Variants in ZNF219 observed in about 807,000 individuals in gnomAD.
The protein encoded by ZNF219 is zinc finger protein 219.
In ZNF219, 17 loss-of-function variants were observed where a neutral mutation model predicts 54.4. That is an observed-to-expected ratio of 0.31 (90% CI 0.21 to 0.47). ZNF219 has a LOEUF of 0.47. ZNF219 is among the 20% of genes least tolerant of loss of function. The pLI, the probability that ZNF219 is intolerant of heterozygous loss-of-function variation, is 1.00. For missense variants in ZNF219, 1,014 were observed against 1,062.3 expected, an observed-to-expected ratio of 0.95 and a Z score of 0.63; for synonymous variants, 518 against 476.4, an observed-to-expected ratio of 1.09 and a Z score of -1.14.
chr14:21,091,180 G>T, intron 4 of ZNF219, 40 bp from the exon 5 acceptor site: 1 of 1,579,372 alleles, frequency 6.3e-7, no homozygotes, highest in South Asian at 1.1e-5. Context: ...GGGTCACGAT[G>T]ACTGCACGCA....
rs201067911 is a variant in ZNF219 at position 21,093,110 on chromosome 14, C to T, written c.187G>A (p.Gly63Arg). Residue 63 changes from glycine to arginine, a missense_variant, in exon 3 of 5, where the codon GGG (glycine) becomes AGG (arginine). Around this residue, in one of 5 missense-constraint regions of ZNF219, gnomAD observed 395 missense variants for 415.1 expected, o/e 0.95. Transcript: ENST00000360947. ...ATAGAGTTGAAGCGGAAGCGCTTCC[C>T]GCATACAGGGCAGGGGAAGCGCCGT... Reference protein sequence around the residue: ...GERRFPCPVCGKRFRFNSILA... With the variant: ...GERRFPCPVCRKRFRFNSILA... 1.2e-6 allele frequency: 2 copies of T among 1,608,758 alleles called. No homozygotes were observed. The highest frequency in any genetic ancestry group is 2.2e-5 in the East Asian group (1 of 44,770).
intron 1 of ZNF219, among the ~76,000 whole-genome samples, chr14:21,095,663 A>C (rs1306770701): frequency 1.3e-5 from 2 of 152,210 alleles, no homozygotes; most frequent in Non-Finnish European, 2.9e-5. Context: ...CCTCAGTACC[A>C]TAGATAGAGC....
At position 21,092,974 on chromosome 14, in the gene ZNF219, T is replaced by A. The variant is rs1277215398; in HGVS notation, c.323A>T (p.Gln108Leu). The change falls in exon 3 of 5, where the codon CAG (glutamine) becomes CTG (leucine). Residue 108 changes from glutamine (Q) to leucine (L), a missense_variant. Coordinates refer to ENST00000360947, the MANE Select transcript of ZNF219 (RefSeq NM_016423.3). ...ALLRSHLRTHQPERPRSPAAR... is the reference protein window; with the variant it reads ...ALLRSHLRTHLPERPRSPAAR... The stretch of plus-strand genomic sequence containing the variant: ...AGCAGGACTACGTGGGCGCTCGGGC[T>A]GGTGTGTGCGCAGGTGCGAGCGCAG... The A allele has an allele frequency of 6.3e-7, 1 of 1,593,328 alleles. No homozygotes were observed.
chr14:21,093,271 G>C lies in ZNF219; in HGVS notation c.26C>G (p.Pro9Arg). ...CGGCGACGGCGCTAAGTGGCCGCTC[G>C]GGGCGCGGGGACGTGAGCCCTGTGG... MEGSRPRA[P>R]SGHLAPSPPA... Residue 9 changes from proline (P) to arginine (R), a missense_variant, in exon 3 of 5, where the codon CCG becomes CGG. Physicochemically the swap from Pro to Arg is moderately radical, Grantham distance 103. Coordinates refer to ENST00000360947, the MANE Select transcript of ZNF219 (RefSeq NM_016423.3). 1 of 1,589,236 alleles carries C rather than the reference G, an allele frequency of 6.3e-7. No homozygotes were observed. The highest frequency in any genetic ancestry group is 8.5e-7 in the Non-Finnish European group (1 of 1,175,230).
intron 3 of ZNF219, 68 bp downstream of exon 3, chr14:21,091,797 G>A (rs1334324901): frequency 8.1e-6 from 12 of 1,481,586 alleles, no homozygotes; most frequent in Non-Finnish European, 9.8e-6. Flanking sequence ...AGGAAGCTAC[G>A]AGGGAGTGGC....
chr14:21,092,679 G>A lies in ZNF219; in HGVS notation c.618C>T (p.His206=), dbSNP rs531966142. Residue 206 remains histidine, a synonymous_variant, in exon 3 of 5, where the codon CAC becomes CAT. Coordinates refer to ENST00000360947, the MANE Select transcript of ZNF219 (RefSeq NM_016423.3). ...GAGCCCCGTGGGCCGTCAGGCTGTGGTGCAGCAGCTCCTCCTCCTGGCTGG... is the reference window on the plus strand; with the variant it reads ...GAGCCCCGTGGGCCGTCAGGCTGTGATGCAGCAGCTCCTCCTCCTGGCTGG... ...FGSSQEEELL[H]HSLTAHGAPE... 4.4e-6 allele frequency: 7 copies of A among 1,575,672 alleles called. No individual in the cohort carries two copies. Among genetic ancestry groups the A allele is most frequent in the East Asian group, 2.3e-5 (1 of 43,554 alleles).
Position 21,093,457 on chromosome 14 carries a change from A to T in ZNF219, c.6+129T>A, listed in dbSNP as rs1406087265. On this transcript the variant is annotated intron_variant, in intron 2 of 4. Transcript: ENST00000360947. Reference sequence around the variant, plus strand: ...GGGAAGATGGGGTGGGGGGAGGTGTATGGGAATCGAGATGTCAGGGCCAAG... The same window carrying T: ...GGGAAGATGGGGTGGGGGGAGGTGTTTGGGAATCGAGATGTCAGGGCCAAG... The T allele has an allele frequency of 2.8e-6, 4 of 1,427,368 alleles. No individual in the cohort carries two copies. In the South Asian group the frequency reaches 5.0e-5, roughly 18 times the overall value. 88.4% of individuals were successfully genotyped at this position (1,427,368 alleles called of 1,614,324 possible).
Position 21,092,064 on chromosome 14 carries a change from G to A in ZNF219, c.1233C>T (p.Ser411=), listed in dbSNP as rs1316070959. The stretch of plus-strand genomic sequence containing the variant: ...GGCGAGCCCGGGCCGGGAGAGCAGA[G>A]GACAGCGGGCGGAAGCCTCCGAAGC... ...GRSFGGFRPL[S]SALPARARRH... The change falls in exon 3 of 5, where the codon TCC becomes TCT. Residue 411 remains serine, a synonymous_variant. Coordinates refer to ENST00000360947, the MANE Select transcript of ZNF219 (RefSeq NM_016423.3). 2 of 1,541,474 alleles carry A rather than the reference G, an allele frequency of 1.3e-6. No individual in the cohort carries two copies. Among genetic ancestry groups the A allele is most frequent in the South Asian group, 1.2e-5 (1 of 83,318 alleles).
chr14:21,093,703 A>T, intron 1 of ZNF219, 29 bp from the exon 2 acceptor site: 1 of 1,603,600 alleles, frequency 6.2e-7, no homozygotes, highest in Non-Finnish European at 8.5e-7. Context: ...TTGGAGGAAA[A>T]GATGAGCCCT....
upstream of ZNF219, chr14:21,102,088 C>A: frequency 6.4e-7 from 1 of 1,551,320 alleles, no homozygotes; most frequent in Non-Finnish European, 8.7e-7. Flanking sequence ...GACTGTCACT[C>A]TGGAGCTTCG....
In ZNF219 at chr14:21,091,062, T is replaced by C; in HGVS notation, c.1643A>G (p.His548Arg). The C allele has an allele frequency of 6.4e-7, 1 of 1,563,496 alleles. No individual in the cohort carries two copies. Among genetic ancestry groups the C allele is most frequent in the Non-Finnish European group, 8.6e-7 (1 of 1,160,200 alleles). ...SGSLKYHLQR[H>R]HREQRSGAGP... ...GGCCCCGCTCCTCTGCTCCCGGTGGTGGCGCTGTAGGTGATACTTGAGCGA... is the reference window on the plus strand; with the variant it reads ...GGCCCCGCTCCTCTGCTCCCGGTGGCGGCGCTGTAGGTGATACTTGAGCGA... Residue 548 changes from histidine (H) to arginine (R), a missense_variant, in exon 5 of 5, where the codon CAC becomes CGC. Transcript: ENST00000360947.
rs1449867948 is a variant in ZNF219 at position 21,090,522 on chromosome 14, C to A, written c.*14G>T. The A allele has an allele frequency of 6.3e-7, 1 of 1,578,074 alleles. No individual in the cohort carries two copies. Among genetic ancestry groups the A allele is most frequent in the East Asian group, 2.3e-5 (1 of 44,300 alleles). On this transcript the variant is annotated 3_prime_UTR_variant, in exon 5 of 5. Transcript: ENST00000360947. The surrounding 1 kb of genome is among the most constrained non-coding windows in gnomAD (Gnocchi z 4.4). The stretch of plus-strand genomic sequence containing the variant: ...CGGGGTAAGCTCACTAAGCTAATCG[C>A]CCCTGAGGGCCCACTACCGTTCTTG...
At chr14:21,102,900 A>G (rs954359178), upstream of ZNF219, 1 of 1,423,188 alleles carries the variant, frequency 7.0e-7, no homozygotes, top group Non-Finnish European at 9.3e-7. Context: ...GAGGTCCTAG[A>G]ATGAAACTGA....
upstream of ZNF219, chr14:21,103,084 G>C (rs1889749377): frequency 1.3e-6 from 2 of 1,550,876 alleles, no homozygotes; most frequent in Admixed American, 2.0e-5. Flanking sequence ...GTTTCTGTCT[G>C]GGGTTTCTCC....
intron 1 of ZNF219, among the ~76,000 whole-genome samples, chr14:21,094,137 GTCTT>G (rs746304323): frequency 2.0e-5 from 3 of 152,140 alleles, no homozygotes; most frequent in Non-Finnish European, 2.9e-5. Flanking sequence ...CCCTTACCCT[GTCTT>G]TCTGTCTTTC....
upstream of ZNF219, chr14:21,102,307 A>T (rs1008072002): frequency 2.0e-6 from 3 of 1,467,464 alleles, no homozygotes; most frequent in Non-Finnish European, 2.8e-6. Context: ...GAGGCTGAGA[A>T]GCAGAAGCTG....
At chr14:21,102,070 C>G (rs2139350338), upstream of ZNF219, 1 of 1,551,440 alleles carries the variant, frequency 6.4e-7, no homozygotes, top group South Asian at 1.2e-5. Context: ...TCAGGGTCTC[C>G]TCACTGGGAC....
chr14:21,091,004 A>T lies in ZNF219; in HGVS notation c.1701T>A (p.Pro567=). ...GPGPPPEPPP[P]SQRGSAPQSG... ...ATTGCGGGGCCGAACCCCGCTGGGA[A>T]GGAGGCGGTGGCTCCGGGGGTGGCC... Residue 567 remains proline, a synonymous_variant, in exon 5 of 5, where the codon CCT becomes CCA. Transcript: ENST00000360947. 2.6e-6 allele frequency: 4 copies of T among 1,552,624 alleles called. No individual in the cohort carries two copies. Among genetic ancestry groups the T allele is most frequent in the Non-Finnish European group, 3.5e-6 (4 of 1,155,808 alleles).
chr14:21,093,402 G>T, intron 2 of ZNF219, 112 bp from the exon 3 acceptor site: 1 of 1,474,988 alleles, frequency 6.8e-7, no homozygotes, highest in South Asian at 1.3e-5. Context: ...GCTGGGGCCT[G>T]AACTAGGAAC....
Sources: gnomAD v4.1 joint callset for allele counts (sites outside exome capture counted in the v4.1 genomes callset) on GRCh38, gnomAD v4.1.1 for gene constraint, gnomAD v4.1.1 regional missense constraint, Gnocchi (gnomAD v3.1) non-coding constraint, MANE v1.5 for transcripts, NCBI Gene and HGNC (gene_info 2026-07-23, HGNC 2026-07-21) for gene names.